Variants in CDH13 observed in about 807,000 individuals in gnomAD.
CDH13 encodes cadherin-13.
In CDH13, 24 loss-of-function variants were observed where a neutral mutation model predicts 63.8. The observed-to-expected ratio is 0.38, with a 90% CI of 0.27 to 0.53. CDH13 has a LOEUF of 0.53. CDH13 is among the 20% of genes least tolerant of loss of function. The pLI is 0.85. For missense variants in CDH13, 1,049 were observed against 903.1 expected, an observed-to-expected ratio of 1.16 and a Z score of -2.07; for synonymous variants, 503 against 355.3, an observed-to-expected ratio of 1.42 and a Z score of -4.67.
chr16:82,837,744 C>G (rs902997075), intron 1 of CDH13, among the ~76,000 whole-genome samples: 16 of 152,174 alleles, frequency 1.1e-4, no homozygotes, highest in African/African-American at 3.9e-4. Flanking sequence ...GAGCTGGTCA[C>G]GTAGACAGCC....
chr16:83,475,602 G>T (rs1461359185), intron 6 of CDH13, among the ~76,000 whole-genome samples: 4 of 152,116 alleles, frequency 2.6e-5, no homozygotes, highest in African/African-American at 4.8e-5. Context: ...CTGTTTTTGA[G>T]ACAGGGTCTC....
chr16:83,387,596 A>T (rs1171116992), intron 6 of CDH13, among the ~76,000 whole-genome samples: 2 of 152,214 alleles, frequency 1.3e-5, no homozygotes, highest in Non-Finnish European at 2.9e-5. Flanking sequence ...TGTAAATGGG[A>T]TTCATTAAGA....
chr16:83,145,160 A>G (rs948415062), intron 4 of CDH13, among the ~76,000 whole-genome samples: 2 of 152,152 alleles, frequency 1.3e-5, no homozygotes, highest in South Asian at 2.1e-4. Flanking sequence ...GAGGACATCC[A>G]ATTCGGCTTT....
intron 1 of CDH13, among the ~76,000 whole-genome samples, chr16:82,731,878 A>G (rs764189328): frequency 6.6e-6 from 1 of 152,178 alleles, no homozygotes; most frequent in Non-Finnish European, 1.5e-5. Flanking sequence ...AGAGCCAATT[A>G]TTAACATTAC....
chr16:83,315,559 TCATCAC>T (rs2090087977), intron 5 of CDH13, among the ~76,000 whole-genome samples: 1 of 152,020 alleles, frequency 6.6e-6, no homozygotes, highest in Non-Finnish European at 1.5e-5. Flanking sequence ...GGCACATAGT[TCATCAC>T]CAATTTGTGC....
intron 5 of CDH13, among the ~76,000 whole-genome samples, chr16:83,264,578 G>GTA (rs370463593): frequency 0.016 from 2,405 of 150,504 alleles, 48 homozygotes; most frequent in African/African-American, 0.048. Flanking sequence ...ATACATATGT[G>GTA]TATATATATA....
chr16:83,088,287 G>T (rs1234169898), intron 3 of CDH13, among the ~76,000 whole-genome samples: 3 of 152,064 alleles, frequency 2.0e-5, no homozygotes, highest in Admixed American at 1.3e-4. Context: ...TGCTTCCCTG[G>T]TGCCTTATTA....
chr16:83,588,587 C>T (rs1906407024), intron 7 of CDH13, among the ~76,000 whole-genome samples: 1 of 152,190 alleles, frequency 6.6e-6, no homozygotes, highest in South Asian at 2.1e-4. Flanking sequence ...AATCCTTGCC[C>T]TCACCAAGGG....
At chr16:82,828,323 A>G (rs1171925631) in intron 1 of CDH13, among the ~76,000 whole-genome samples, 1 of 152,208 alleles carries the variant, frequency 6.6e-6, no homozygotes, top group Non-Finnish European at 1.5e-5. Flanking sequence ...ACTATGGATC[A>G]AAAGTATCCT....
chr16:83,078,602 G>A (rs1473964711), intron 3 of CDH13, among the ~76,000 whole-genome samples: 1 of 152,172 alleles, frequency 6.6e-6, no homozygotes, highest in African/African-American at 2.4e-5. Flanking sequence ...ACCAGTACCG[G>A]TCCATGGCCG....
At chr16:82,939,973 G>T (rs899065779) in intron 2 of CDH13, among the ~76,000 whole-genome samples, 1 of 152,158 alleles carries the variant, frequency 6.6e-6, no homozygotes, top group African/African-American at 2.4e-5. Flanking sequence ...GAGCAAAATC[G>T]TGTCTCATGT....
intron 5 of CDH13, among the ~76,000 whole-genome samples, chr16:83,327,350 A>G (rs140882833): frequency 4.3e-4 from 66 of 152,296 alleles, no homozygotes; most frequent in African/African-American, 1.6e-3. Flanking sequence ...TGAATCTTTA[A>G]TGCATTGTCT....
chr16:83,221,728 G>T lies in CDH13; in HGVS notation c.636+4231G>T, dbSNP rs191115221. 9.2e-5 allele frequency among the ~76,000 whole-genome samples: 14 copies of T among 152,218 alleles called. 1 individual carries two copies. Among genetic ancestry groups the T allele is most frequent in the African/African-American group, 3.4e-4 (14 of 41,536 alleles). On this transcript the variant is annotated intron_variant, in intron 5 of 13. Transcript: ENST00000567109. ...AACAGGAAGCATGGCCAAGACCATG[G>T]TAGCAGGCAGGTGTCCTTGGCAGGA...
chr16:82,827,782 G>A (rs2038324479), intron 1 of CDH13, among the ~76,000 whole-genome samples: 1 of 152,150 alleles, frequency 6.6e-6, no homozygotes, highest in Admixed American at 6.5e-5. Context: ...TATTTGAGCA[G>A]AACAATAATG....
At chr16:83,172,425 A>C (rs965905233) in intron 4 of CDH13, among the ~76,000 whole-genome samples, 2 of 152,062 alleles carry the variant, frequency 1.3e-5, no homozygotes, top group African/African-American at 4.8e-5. Context: ...CCAGAGGCGG[A>C]GGTTGCAGTG....
chr16:83,518,366 C>T (rs1221627259), intron 7 of CDH13, among the ~76,000 whole-genome samples: 1 of 151,676 alleles, frequency 6.6e-6, no homozygotes, highest in Non-Finnish European at 1.5e-5. Context: ...AGGATGGTCT[C>T]GATCTCCTGA....
intron 2 of CDH13, among the ~76,000 whole-genome samples, chr16:82,965,997 G>A (rs1369847080): frequency 6.6e-6 from 1 of 152,190 alleles, no homozygotes; most frequent in Non-Finnish European, 1.5e-5. Flanking sequence ...CAGCCAATCA[G>A]TCAACGAGTT....
chr16:82,727,840 C>T (rs550400391), intron 1 of CDH13: 2 of 152,314 alleles, frequency 1.3e-5, no homozygotes, highest in African/African-American at 4.8e-5. Flanking sequence ...AGACCCACTC[C>T]ACCCATCTTT....
At chr16:82,997,642 C>T (rs1379845303) in intron 2 of CDH13, among the ~76,000 whole-genome samples, 1 of 152,080 alleles carries the variant, frequency 6.6e-6, no homozygotes. Context: ...GTTCTTATCC[C>T]TGTTCTATAG....
Sources: allele counts gnomAD v4.1 joint callset (sites outside exome capture counted in the v4.1 genomes callset), GRCh38; gene constraint gnomAD v4.1.1; transcripts MANE v1.5; gene names NCBI Gene and HGNC (gene_info 2026-07-23, HGNC 2026-07-21).